MDGA2: variants seen among roughly 807,000 people sequenced by gnomAD.
MDGA2 encodes MAM domain-containing glycosylphosphatidylinositol anchor protein 2.
In MDGA2, 40 loss-of-function variants were observed where a neutral mutation model predicts 117.8. The observed-to-expected ratio is 0.34, with a 90% CI of 0.26 to 0.44. The LOEUF (loss-of-function observed/expected upper bound fraction) is 0.44. Among genes scored for constraint, MDGA2 ranks in the 20% least tolerant of loss-of-function variants. The pLI is 1.00. For missense variants in MDGA2, 1,123 were observed against 1,250.6 expected (o/e 0.90, Z 1.54); for synonymous variants, 452 against 439.0 (o/e 1.03, Z -0.37).
intron 3 of MDGA2, among the ~76,000 whole-genome samples, chr14:47,152,024 TAACTA>T (rs1320988768): frequency 6.6e-6 from 1 of 152,176 alleles, no homozygotes; most frequent in Non-Finnish European, 1.5e-5. Context: ...TACCCCTTTA[TAACTA>T]AACTAATTTT....
chr14:47,555,290 T>C (rs982065617), intron 1 of MDGA2, among the ~76,000 whole-genome samples: 14 of 152,144 alleles, frequency 9.2e-5, no homozygotes, highest in South Asian at 4.1e-4. Flanking sequence ...GCTGCAACTT[T>C]CTCAGTCACT....
At chr14:47,400,681 G>A (rs1215385459) in intron 1 of MDGA2, among the ~76,000 whole-genome samples, 2 of 145,950 alleles carry the variant, frequency 1.4e-5, no homozygotes, top group Admixed American at 6.8e-5. Context: ...GCAAGACTCC[G>A]TCTCGAAACA....
intron 8 of MDGA2, among the ~76,000 whole-genome samples, chr14:47,011,775 A>G (rs1490407341): frequency 1.3e-5 from 2 of 152,064 alleles, no homozygotes; most frequent in Non-Finnish European, 2.9e-5. Flanking sequence ...GATCCAAAGG[A>G]AAGTAGAGAA....
intron 2 of MDGA2, among the ~76,000 whole-genome samples, chr14:47,293,267 T>A (rs1264620875): frequency 1.3e-5 from 2 of 152,216 alleles, no homozygotes; most frequent in Non-Finnish European, 2.9e-5. Flanking sequence ...TCTCTAGCTC[T>A]CTTACTATAA....
intron 8 of MDGA2, among the ~76,000 whole-genome samples, chr14:47,011,994 G>T (rs1887909949): frequency 2.5e-5 from 1 of 40,344 alleles, no homozygotes; most frequent in Non-Finnish European, 5.4e-5. Context: ...GCACCTTCCT[G>T]AATTGTGTCA....
chr14:47,471,087 G>A (rs1053070795), intron 1 of MDGA2, among the ~76,000 whole-genome samples: 2 of 152,086 alleles, frequency 1.3e-5, no homozygotes, highest in South Asian at 2.1e-4. Flanking sequence ...CTGTTTTAGT[G>A]TCCTCAAATA....
intron 1 of MDGA2, among the ~76,000 whole-genome samples, chr14:47,416,264 C>T (rs1011835056): frequency 1.3e-5 from 2 of 151,004 alleles, no homozygotes; most frequent in African/African-American, 4.9e-5. Flanking sequence ...AACAGTGAAA[C>T]AGGAATAGCA....
chr14:47,176,801 G>C (rs1884472664), intron 3 of MDGA2, among the ~76,000 whole-genome samples: 1 of 152,086 alleles, frequency 6.6e-6, no homozygotes, highest in African/African-American at 2.4e-5. Context: ...ATTGACAAAT[G>C]GGATCTAATT....
At chr14:47,408,821 G>T (rs1892312964) in intron 1 of MDGA2, among the ~76,000 whole-genome samples, 1 of 152,136 alleles carries the variant, frequency 6.6e-6, no homozygotes, top group African/African-American at 2.4e-5. Flanking sequence ...TGAGGAGACT[G>T]GGCAGATAGA....
intron 5 of MDGA2, among the ~76,000 whole-genome samples, chr14:47,115,693 T>A: frequency 6.6e-6 from 1 of 152,080 alleles, no homozygotes; most frequent in Non-Finnish European, 1.5e-5. Flanking sequence ...ATCACATGAT[T>A]ATCTTCATAG....
chr14:47,368,801 T>C (rs181128491), intron 1 of MDGA2, among the ~76,000 whole-genome samples: 61 of 152,190 alleles, frequency 4.0e-4, no homozygotes, highest in African/African-American at 1.4e-3. Context: ...CATATAATAA[T>C]AACATATGCT....
rs149966048 is a variant in MDGA2, at chr14:46,870,146, A to G, written c.2752+3287T>C. Among the ~76,000 whole-genome samples, 549 of 152,122 alleles carry G rather than the reference A, an allele frequency of 3.6e-3. 5 individuals carry two copies. The highest frequency in any genetic ancestry group is 0.013 in the African/African-American group (521 of 41,528). On this transcript the variant is annotated intron_variant, in intron 14 of 16. Transcript: ENST00000399232. Reference sequence around the variant, plus strand: ...TGGGGAAATTTGTTATATTGCAAATAATAAGTAATGCAACATATTTAACTT... The same window carrying G: ...TGGGGAAATTTGTTATATTGCAAATGATAAGTAATGCAACATATTTAACTT...
At chr14:47,658,858 C>T (rs1361886424) in intron 1 of MDGA2, among the ~76,000 whole-genome samples, 1 of 152,176 alleles carries the variant, frequency 6.6e-6, no homozygotes. Flanking sequence ...TGGAATATCT[C>T]TGAAGGTCCA....
Position 47,172,036 on chromosome 14 carries a change from G to A in MDGA2, c.596-27762C>T, listed in dbSNP as rs760491431. On this transcript the variant is annotated intron_variant, in intron 3 of 16. Transcript: ENST00000399232. ...CAGGGTCCTATGCCCACTGAGTCTC[G>A]CTGATTGCTAGCACAGTGGTCTGAG... Among the ~76,000 whole-genome samples, 10 of 152,252 alleles carry A rather than the reference G, an allele frequency of 6.6e-5. No individual in the cohort carries two copies. In the South Asian group the frequency reaches 8.3e-4, roughly 13 times the overall value.
rs578234133 is a variant in MDGA2 at position 47,447,946 on chromosome 14, T to C, written c.281-146396A>G. Among the ~76,000 whole-genome samples, 105 of 152,192 alleles carry C rather than the reference T, an allele frequency of 6.9e-4. 2 individuals are homozygous for C. The South Asian group carries it at 0.021, about 30-fold the overall frequency. The stretch of plus-strand genomic sequence containing the variant: ...TCCCTTGTTCCTGACAGAAGGCTCC[T>C]AAAACGCTTGTATTTTCCTGAGTGG... On this transcript the variant is annotated intron_variant, in intron 1 of 16. Transcript: ENST00000399232.
At chr14:47,129,389 A>C (rs902438979) in intron 5 of MDGA2, among the ~76,000 whole-genome samples, 1 of 152,084 alleles carries the variant, frequency 6.6e-6, no homozygotes, top group African/African-American at 2.4e-5. Context: ...AAGATTTCCA[A>C]TTTCATCCAT....
intron 1 of MDGA2, among the ~76,000 whole-genome samples, chr14:47,415,906 C>A (rs1457205064): frequency 1.3e-5 from 2 of 152,132 alleles, no homozygotes; most frequent in African/African-American, 4.8e-5. Flanking sequence ...ACTCCACCTG[C>A]ATGACTTCGT....
At chr14:47,079,714 C>T (rs1008622230) in intron 6 of MDGA2, among the ~76,000 whole-genome samples, 1 of 128,296 alleles carries the variant, frequency 7.8e-6, no homozygotes, top group African/African-American at 3.1e-5. Flanking sequence ...TTGTTTCAGC[C>T]GATTTTCTAC....
intron 5 of MDGA2, among the ~76,000 whole-genome samples, chr14:47,125,447 T>C (rs8005062): frequency 0.11 from 17,007 of 152,064 alleles, 1,090 homozygotes; most frequent in Admixed American, 0.12. Context: ...TTCTGGACAT[T>C]TATATCATAA....
Sources: gnomAD v4.1 joint callset for allele counts (sites outside exome capture counted in the v4.1 genomes callset) on GRCh38, gnomAD v4.1.1 for gene constraint, MANE v1.5 for transcripts, NCBI Gene and HGNC (gene_info 2026-07-23, HGNC 2026-07-21) for gene names.